Variants in IQSEC1 observed in about 807,000 individuals in gnomAD.
IQSEC1 encodes IQ motif and Sec7 domain ArfGEF 1.
IQSEC1 carries 31 observed loss-of-function variants against 91.0 expected under a neutral mutation model. The ratio of observed to expected loss-of-function variants is 0.34; its 90% CI spans 0.26 to 0.46. The LOEUF (loss-of-function observed/expected upper bound fraction) is 0.46. Ranked by LOEUF, IQSEC1 falls within the 20% of genes least tolerant of loss-of-function variation. IQSEC1 has a pLI of 1.00. For missense variants in IQSEC1, 1,388 were observed against 1,575.6 expected, an observed-to-expected ratio of 0.88 and a Z score of 2.02; for synonymous variants, 699 against 662.6, an observed-to-expected ratio of 1.05 and a Z score of -0.84.
intron 2 of IQSEC1, among the ~76,000 whole-genome samples, chr3:13,084,495 A>G (rs1705702680): frequency 1.3e-5 from 2 of 152,230 alleles, no homozygotes; most frequent in South Asian, 2.1e-4. Context: ...TAAGACAGAT[A>G]TAAAAATCTG....
chr3:13,269,114 T>C (rs544941872), intron 1 of IQSEC1, among the ~76,000 whole-genome samples: 4 of 151,780 alleles, frequency 2.6e-5, no homozygotes, highest in Non-Finnish European at 4.4e-5. Flanking sequence ...GCATCCGGAG[T>C]GAGCTGCAGT....
chr3:12,936,595 C>T lies in IQSEC1; in HGVS notation c.421G>A (p.Glu141Lys). 3.7e-6 allele frequency: 6 copies of T among 1,613,160 alleles called. No individual in the cohort carries two copies. The highest frequency in any genetic ancestry group is 1.3e-5 in the African/African-American group (1 of 75,066). ...FRQYQMNKNFERLRSSMSENR... is the reference protein window; with the variant it reads ...FRQYQMNKNFKRLRSSMSENR... Reference sequence around the variant, plus strand: ...TCTGACATGGAGCTGCGCAAGCGCTCGAAGTTCTTGTTCATCTGGTACTGG... The same window carrying T: ...TCTGACATGGAGCTGCGCAAGCGCTTGAAGTTCTTGTTCATCTGGTACTGG... Residue 141 changes from glutamate to lysine, a missense_variant, in exon 3 of 14, where the codon GAG becomes AAG. Glu to Lys is a moderately conservative substitution (Grantham distance 56, BLOSUM62 1). This residue lies in a region of IQSEC1 where 1,059 missense variants were observed against 1,317.8 expected (regional missense o/e 0.80). Transcript: ENST00000613206.
At chr3:12,901,960 T>C (rs189935716) in intron 13 of IQSEC1, among the ~76,000 whole-genome samples, 3 of 151,824 alleles carry the variant, frequency 2.0e-5, no homozygotes, top group Admixed American at 2.0e-4. Context: ...TCAGCTCTCC[T>C]GGGACTGCTC....
chr3:12,926,291 CA>C (rs1697121790), intron 3 of IQSEC1, among the ~76,000 whole-genome samples: 1 of 144,710 alleles, frequency 6.9e-6, no homozygotes, highest in Admixed American at 6.9e-5. Context: ...GCCTGGGCGA[CA>C]GAGCAAGACT....
intron 1 of IQSEC1, among the ~76,000 whole-genome samples, chr3:13,203,294 T>C (rs1167679948): frequency 6.6e-6 from 1 of 152,096 alleles, no homozygotes; most frequent in African/African-American, 2.4e-5. Context: ...AGCTGAGGCG[T>C]AGCAAGGGCT....
intron 2 of IQSEC1, among the ~76,000 whole-genome samples, chr3:13,155,434 A>G (rs541928594): frequency 6.6e-6 from 1 of 152,362 alleles, no homozygotes; most frequent in African/African-American, 2.4e-5. Context: ...CAAAGAAATA[A>G]AAAATCTGAA....
intron 2 of IQSEC1, among the ~76,000 whole-genome samples, chr3:13,136,710 A>G (rs1706716441): frequency 6.6e-6 from 1 of 152,254 alleles, no homozygotes. Context: ...GCAGGATCTT[A>G]AAGAGATGTG....
exon 1 of IQSEC1, among the ~76,000 whole-genome samples, chr3:13,283,003 GC>G (rs1281088695): frequency 6.9e-6 from 1 of 145,596 alleles, no homozygotes; most frequent in Non-Finnish European, 1.5e-5. Flanking sequence ...CCGGAGGCCG[GC>G]CGCGCCTCAG....
At chr3:12,956,960 T>C (rs1412521443) in intron 1 of IQSEC1, among the ~76,000 whole-genome samples, 1 of 152,178 alleles carries the variant, frequency 6.6e-6, no homozygotes, top group Non-Finnish European at 1.5e-5. Context: ...CACGTGGAGC[T>C]GTTTCTGCTC....
chr3:13,215,548 T>C (rs927161963), intron 1 of IQSEC1, among the ~76,000 whole-genome samples: 3 of 152,198 alleles, frequency 2.0e-5, no homozygotes, highest in African/African-American at 4.8e-5. Context: ...TCTGCACATT[T>C]GAGAGGCTTG....
At chr3:13,277,122 A>C (rs1423843538) in intron 1 of IQSEC1, among the ~76,000 whole-genome samples, 5 of 150,050 alleles carry the variant, frequency 3.3e-5, no homozygotes, top group Non-Finnish European at 7.4e-5. Context: ...AAAAAAAAAA[A>C]AAAAAAAAAA....
intron 1 of IQSEC1, among the ~76,000 whole-genome samples, chr3:13,208,113 G>A (rs932879738): frequency 4.0e-5 from 6 of 151,034 alleles, no homozygotes; most frequent in Non-Finnish European, 8.8e-5. Flanking sequence ...CAAGACTTGG[G>A]TGGGTGGGTG....
chr3:13,004,238 G>A (rs908325008), intron 1 of IQSEC1, among the ~76,000 whole-genome samples: 3 of 152,230 alleles, frequency 2.0e-5, no homozygotes, highest in Non-Finnish European at 4.4e-5. Flanking sequence ...CAGCCAGAGG[G>A]TAGGGTGAGA....
intron 1 of IQSEC1, among the ~76,000 whole-genome samples, chr3:13,071,124 T>G (rs1157217544): frequency 6.7e-6 from 1 of 149,312 alleles, no homozygotes; most frequent in African/African-American, 2.5e-5. Context: ...CCAGAATGTC[T>G]GGGGGTGGGA....
intron 1 of IQSEC1, among the ~76,000 whole-genome samples, chr3:13,257,474 C>T (rs1695310733): frequency 1.2e-5 from 1 of 84,638 alleles, no homozygotes. Context: ...ATCAGCATCA[C>T]CCCCAACCAG....
intron 12 of IQSEC1, among the ~76,000 whole-genome samples, chr3:12,904,222 ACAGACT>A (rs1268563477): frequency 4.6e-5 from 7 of 152,142 alleles, no homozygotes; most frequent in African/African-American, 1.7e-4. Context: ...GCATCACAGC[ACAGACT>A]CAGGGGAGTC....
At chr3:13,063,409 G>A (rs1241960671) in intron 1 of IQSEC1, among the ~76,000 whole-genome samples, 3 of 152,206 alleles carry the variant, frequency 2.0e-5, no homozygotes, top group African/African-American at 4.8e-5. Context: ...ATTTGTCTCT[G>A]TCCCAGCTGC....
In IQSEC1 at chr3:12,970,433, C is replaced by T. The variant is rs945999848; in HGVS notation, c.24-28568G>A. ...TTGGCCCATTTCACATGCTACAACC[C>T]GACTTTATCTCTATCCTCCCCAGCT... is the stretch of plus-strand genomic sequence containing the variant. On this transcript the variant is annotated intron_variant, in intron 1 of 13. Transcript: ENST00000613206. The surrounding 1 kb of genome is among the most constrained non-coding windows in gnomAD (Gnocchi z 4.4). Among the ~76,000 whole-genome samples the T allele has an allele frequency of 6.6e-6, 1 of 152,124 alleles. No individual in the cohort carries two copies. Among genetic ancestry groups the T allele is most frequent in the East Asian group, 1.9e-4 (1 of 5,198 alleles).
intron 1 of IQSEC1, among the ~76,000 whole-genome samples, chr3:12,942,384 C>G (rs1052282503): frequency 4.6e-5 from 7 of 152,142 alleles, no homozygotes; most frequent in African/African-American, 9.7e-5. Flanking sequence ...GGGCGGATCA[C>G]GAGGTCAGGA....
Sources: allele counts gnomAD v4.1 joint callset (sites outside exome capture counted in the v4.1 genomes callset), GRCh38; gene constraint gnomAD v4.1.1; regional missense constraint gnomAD v4.1.1; non-coding constraint Gnocchi (gnomAD v3.1); transcripts MANE v1.5; gene names NCBI Gene and HGNC (gene_info 2026-07-23, HGNC 2026-07-21).